SNX25: variants seen among roughly 807,000 people sequenced by gnomAD.
SNX25 encodes the protein sorting nexin-25.
In SNX25, 62 loss-of-function variants were observed where a neutral mutation model predicts 113.7. The ratio of observed to expected loss-of-function variants is 0.55; its 90% CI spans 0.44 to 0.67. The LOEUF (loss-of-function observed/expected upper bound fraction) is 0.67. SNX25 is among the 30% of genes least tolerant of loss of function. SNX25 has a pLI of 0.00. For synonymous variants in SNX25, 421 were observed against 436.2 expected (o/e 0.97, Z 0.43); for missense variants, 1,014 against 1,161.0 (o/e 0.87, Z 1.84).
At position 185,288,083 on chromosome 4, in the gene SNX25, G is replaced by A; in HGVS notation, c.1162+1G>A. The A allele has an allele frequency of 6.2e-7, 1 of 1,612,204 alleles. No homozygotes were observed. The highest frequency in any genetic ancestry group is 1.3e-5 in the African/African-American group (1 of 74,938). ...TTTCCCCAACTGAAGAGGCACAAAG[G>A]TAAGAGCCAGGTTGTTTTCTTCAGT... On this transcript the variant is annotated splice_donor_variant, in intron 6 of 18. Coordinates refer to ENST00000652585, the MANE Select transcript of SNX25 (RefSeq NM_001378034.2). LOFTEE classifies it high-confidence loss of function.
In SNX25 at chr4:185,317,254, A is replaced by G. The variant is rs573171945; in HGVS notation, c.1345-3479A>G. 1.2e-4 allele frequency among the ~76,000 whole-genome samples: 18 copies of G among 152,382 alleles called. 1 individual carries two copies. The South Asian group carries it at 2.9e-3, about 25-fold the overall frequency. On this transcript the variant is annotated intron_variant, in intron 7 of 18. Transcript: ENST00000652585. ...ATCACTGGTCATTAGAGAAATGCAA[A>G]TCAAAACCACAATGAGCTACCGTCT...
At position 185,254,469 on chromosome 4, in the gene SNX25, G is replaced by A. The variant is rs377110983; in HGVS notation, c.515-4379G>A. 3.3e-5 allele frequency among the ~76,000 whole-genome samples: 5 copies of A among 152,092 alleles called. No individual in the cohort carries two copies. In the East Asian group the frequency reaches 7.7e-4, roughly 23 times the overall value. ...TGGGCAGGACATGTATCTCTGAATC[G>A]CATTTCTAAATCGCTCAGGGGAAAA... On this transcript the variant is annotated intron_variant, in intron 2 of 18. Transcript: ENST00000652585.
intron 6 of SNX25, among the ~76,000 whole-genome samples, chr4:185,291,555 T>G (rs1168402870): frequency 6.6e-6 from 1 of 152,184 alleles, no homozygotes; most frequent in Non-Finnish European, 1.5e-5. Context: ...TTCTCACAGT[T>G]TTGGAGGCAA....
At chr4:185,333,035 G>A (rs879504508) in intron 10 of SNX25, among the ~76,000 whole-genome samples, 1 of 152,146 alleles carries the variant, frequency 6.6e-6, no homozygotes, top group Non-Finnish European at 1.5e-5. Context: ...GCTTTCTCTT[G>A]TGCCAGGGTC....
chr4:185,316,785 C>A (rs780660041), intron 7 of SNX25, among the ~76,000 whole-genome samples: 90 of 152,066 alleles, frequency 5.9e-4, no homozygotes, highest in Non-Finnish European at 9.4e-4. Flanking sequence ...AGTTGTTGGC[C>A]CATCTTCCCT....
At chr4:185,251,840 G>A (rs1745713562) in intron 2 of SNX25, among the ~76,000 whole-genome samples, 1 of 152,030 alleles carries the variant, frequency 6.6e-6, no homozygotes, top group Non-Finnish European at 1.5e-5. Flanking sequence ...GACAGGATAA[G>A]GGTTGAGGCT....
At chr4:185,233,317 G>T (rs1742135924) in intron 1 of SNX25, among the ~76,000 whole-genome samples, 2 of 151,856 alleles carry the variant, frequency 1.3e-5, no homozygotes, top group Non-Finnish European at 2.9e-5. Flanking sequence ...AGCCCTGTGA[G>T]TACAGAGAAC....
chr4:185,349,861 C>A (rs1385666794), intron 13 of SNX25, among the ~76,000 whole-genome samples: 2 of 152,264 alleles, frequency 1.3e-5, no homozygotes, highest in East Asian at 3.9e-4. Flanking sequence ...TGGGACTTAA[C>A]CATTAGTATA....
At chr4:185,265,661 C>G (rs1695949882) in intron 4 of SNX25, among the ~76,000 whole-genome samples, 1 of 152,072 alleles carries the variant, frequency 6.6e-6, no homozygotes, top group South Asian at 2.1e-4. Flanking sequence ...CCTTAGCTTA[C>G]TATAACTTTT....
chr4:185,282,613 C>T (rs1273324511), intron 5 of SNX25, among the ~76,000 whole-genome samples: 1 of 152,286 alleles, frequency 6.6e-6, no homozygotes, highest in Non-Finnish European at 1.5e-5. Context: ...ATGAGGTGGC[C>T]ACTCTGAGGA....
chr4:185,377,520 A>AAAC, the SNX25 span: 8 of 168,390 alleles, frequency 4.8e-5, no homozygotes, highest in East Asian at 1.6e-4. Context: ...CTCCATCTCA[A>AAAC]AACAACAACA....
chr4:185,332,238 C>T (rs2095200365), intron 9 of SNX25, among the ~76,000 whole-genome samples: 1 of 152,158 alleles, frequency 6.6e-6, no homozygotes, highest in Non-Finnish European at 1.5e-5. Context: ...ACCCAAATGT[C>T]AGTCTTGGTT....
chr4:185,365,517 G>A (rs1028489382), downstream of SNX25: 4 of 151,702 alleles, frequency 2.6e-5, no homozygotes, highest in South Asian at 2.1e-4. Context: ...CATCACGCCC[G>A]GCTAATTTTT....
At chr4:185,236,136 C>T (rs1742591989) in intron 1 of SNX25, among the ~76,000 whole-genome samples, 1 of 152,240 alleles carries the variant, frequency 6.6e-6, no homozygotes, top group Non-Finnish European at 1.5e-5. Flanking sequence ...CTACTTCTCA[C>T]CCTCTGCCTC....
rs535417503 is a variant in SNX25, at chr4:185,222,503, G to A, written c.429+12248G>A. 9.1e-5 allele frequency among the ~76,000 whole-genome samples: 13 copies of A among 142,306 alleles called. No homozygotes were observed. In the South Asian group the frequency reaches 1.7e-3, roughly 18 times the overall value. 93.4% of individuals were successfully genotyped at this position (142,306 alleles called of 152,430 possible). A position where few individuals can be genotyped will look rare whatever the true frequency, so the allele number is the denominator to read the frequency against. ...TCCCTCTCGGTAGGTTTACAGCGCCGTATACCCCTCCCTCGCGGTAGGTAT... is the reference window on the plus strand; with the variant it reads ...TCCCTCTCGGTAGGTTTACAGCGCCATATACCCCTCCCTCGCGGTAGGTAT... On this transcript the variant is annotated intron_variant, in intron 1 of 18. Coordinates refer to ENST00000652585, the MANE Select transcript of SNX25 (RefSeq NM_001378034.2).
intron 9 of SNX25, among the ~76,000 whole-genome samples, chr4:185,325,230 T>A (rs2095148272): frequency 6.6e-6 from 1 of 152,166 alleles, no homozygotes; most frequent in Non-Finnish European, 1.5e-5. Flanking sequence ...TTTCTGTTAG[T>A]AACCATTATT....
intron 17 of SNX25, 77 bp downstream of exon 17, chr4:185,362,182 T>C (rs1579941503): frequency 6.9e-7 from 1 of 1,454,754 alleles, no homozygotes; most frequent in African/African-American, 1.4e-5. Flanking sequence ...TTTTCATTTA[T>C]GTCTTGCAGG....
At chr4:185,346,401 A>C in intron 12 of SNX25, 136 bp from the exon 13 acceptor site, 1 of 643,484 alleles carries the variant, frequency 1.6e-6, no homozygotes, top group Non-Finnish European at 2.7e-6. Context: ...GAGCCTCATT[A>C]AGATGGGTAG....
At chr4:185,205,733 G>A (rs1208992539), upstream of SNX25, among the ~76,000 whole-genome samples, 1 of 152,168 alleles carries the variant, frequency 6.6e-6, no homozygotes, top group African/African-American at 2.4e-5. Context: ...GGAGGCTGAC[G>A]CAGAAGAATC....
Sources: allele counts gnomAD v4.1 joint callset (sites outside exome capture counted in the v4.1 genomes callset), GRCh38; gene constraint gnomAD v4.1.1; transcripts MANE v1.5; gene names NCBI Gene and HGNC (gene_info 2026-07-23, HGNC 2026-07-21).